Variants in ZNF536 observed in about 807,000 individuals in gnomAD.
ZNF536 encodes zinc finger protein 536.
A neutral mutation model predicts 84.5 loss-of-function variants in ZNF536; 13 were observed. That is an observed-to-expected ratio of 0.15 (90% CI 0.10 to 0.24). The LOEUF (loss-of-function observed/expected upper bound fraction) is 0.24, where lower values mean the gene tolerates loss of function less well. Ranked by LOEUF, ZNF536 falls within the 10% of genes least tolerant of loss-of-function variation. The probability of loss-of-function intolerance (pLI) is 1.00; values close to 1 mark genes in which losing one functional copy is unlikely to be tolerated. For missense variants in ZNF536, 1,536 were observed against 1,747.5 expected (o/e 0.88, Z 2.16); for synonymous variants, 811 against 742.5 (o/e 1.09, Z -1.50).
intron 1 of ZNF536, among the ~76,000 whole-genome samples, chr19:30,623,042 TTTTTTG>T: frequency 1.3e-5 from 2 of 148,368 alleles, no homozygotes; most frequent in Admixed American, 6.7e-5. Flanking sequence ...GTTTTTTTGT[TTTTTTG>T]TTTTTTTGAG....
chr19:30,662,012 C>A (rs2050139734), intron 1 of ZNF536, among the ~76,000 whole-genome samples: 1 of 152,166 alleles, frequency 6.6e-6, no homozygotes, highest in South Asian at 2.1e-4. Context: ...CCCCTGACGA[C>A]CTTGAAATTA....
At chr19:30,327,844 T>G (rs1360946899) in intron 2 of ZNF536, among the ~76,000 whole-genome samples, 2 of 152,210 alleles carry the variant, frequency 1.3e-5, no homozygotes, top group African/African-American at 4.8e-5. Flanking sequence ...GTCTTTGTCC[T>G]CTGATGAGTG....
chr19:30,398,727 C>A (rs1022160625), intron 1 of ZNF536, among the ~76,000 whole-genome samples: 6 of 152,044 alleles, frequency 3.9e-5, no homozygotes, highest in Non-Finnish European at 5.9e-5. Flanking sequence ...TCATCCATGT[C>A]CCTGCAAAGG....
intron 1 of ZNF536, among the ~76,000 whole-genome samples, chr19:30,565,971 A>G (rs1409603458): frequency 1.3e-5 from 2 of 152,232 alleles, no homozygotes; most frequent in Non-Finnish European, 2.9e-5. Flanking sequence ...CCTCCAAGAC[A>G]CAGCATTTAT....
intron 1 of ZNF536, among the ~76,000 whole-genome samples, chr19:30,387,748 G>A (rs892889796): frequency 3.3e-5 from 5 of 152,236 alleles, no homozygotes; most frequent in African/African-American, 9.6e-5. Context: ...TGGCTGGAAG[G>A]CAGGGCCCTC....
intron 2 of ZNF536, among the ~76,000 whole-genome samples, chr19:30,532,122 CTT>C (rs370513505): frequency 1.4e-5 from 2 of 147,896 alleles, no homozygotes; most frequent in Non-Finnish European, 3.0e-5. Flanking sequence ...AATTACCCTT[CTT>C]TTTTTTTTTA....
intron 2 of ZNF536, among the ~76,000 whole-genome samples, chr19:30,351,608 A>G (rs985748992): frequency 1.3e-5 from 2 of 152,238 alleles, no homozygotes; most frequent in Admixed American, 1.3e-4. Context: ...CAATATCTTG[A>G]GTGATGGCTG....
At chr19:30,440,353 C>A (rs983529457) in intron 1 of ZNF536, among the ~76,000 whole-genome samples, 1 of 152,102 alleles carries the variant, frequency 6.6e-6, no homozygotes, top group Non-Finnish European at 1.5e-5. Flanking sequence ...ATCGTAGGTG[C>A]TCATGGACTT....
At chr19:30,375,208 C>A (rs1471800471) in intron 1 of ZNF536, among the ~76,000 whole-genome samples, 2 of 149,126 alleles carry the variant, frequency 1.3e-5, no homozygotes, top group East Asian at 3.9e-4. Flanking sequence ...CGGCGCCCGG[C>A]GGTAGTGCCA....
At chr19:30,456,958 C>G (rs2052878274) in intron 2 of ZNF536, among the ~76,000 whole-genome samples, 1 of 149,486 alleles carries the variant, frequency 6.7e-6, no homozygotes, top group African/African-American at 2.5e-5. Flanking sequence ...AGGAGAATTG[C>G]TTGAATCCAG....
chr19:30,651,583 T>C (rs1195767634), intron 1 of ZNF536, among the ~76,000 whole-genome samples: 1 of 152,258 alleles, frequency 6.6e-6, no homozygotes, highest in East Asian at 1.9e-4. Context: ...ATTAAAATTC[T>C]GTCTGCAAAC....
intron 1 of ZNF536, among the ~76,000 whole-genome samples, chr19:30,399,074 G>A (rs912187364): frequency 1.1e-4 from 17 of 152,210 alleles, no homozygotes; most frequent in Non-Finnish European, 1.9e-4. Context: ...GCTCTCTAAC[G>A]TGTGTTGTTT....
At chr19:30,538,984 G>A (rs1726693654) in intron 3 of ZNF536, among the ~76,000 whole-genome samples, 1 of 151,952 alleles carries the variant, frequency 6.6e-6, no homozygotes, top group Admixed American at 6.6e-5. Flanking sequence ...GAGGCGGGAG[G>A]ATTGTTTGAG....
At chr19:30,267,354 A>G (rs1212819456) in intron 1 of ZNF536, among the ~76,000 whole-genome samples, 5 of 152,214 alleles carry the variant, frequency 3.3e-5, no homozygotes, top group Non-Finnish European at 7.3e-5. Context: ...CATAGACACT[A>G]GCCATAAAAG....
chr19:30,440,896 TAGATAGATAGA>T (rs1201948871), intron 1 of ZNF536, among the ~76,000 whole-genome samples: 2 of 146,826 alleles, frequency 1.4e-5, no homozygotes, highest in Non-Finnish European at 3.0e-5. Flanking sequence ...GATAGATAGA[TAGATAGATAGA>T]TAGATAGATA....
intron 2 of ZNF536, among the ~76,000 whole-genome samples, chr19:30,471,723 C>A (rs934278544): frequency 6.6e-6 from 1 of 152,194 alleles, no homozygotes; most frequent in Non-Finnish European, 1.5e-5. Flanking sequence ...TGCTGAGGCA[C>A]CTGCCTGGTA....
At chr19:30,454,542 AAT>A (rs1363707832) in intron 2 of ZNF536, among the ~76,000 whole-genome samples, 1 of 152,232 alleles carries the variant, frequency 6.6e-6, no homozygotes, top group African/African-American at 2.4e-5. Context: ...TTGTTGCTAA[AAT>A]ATGTGTTTTT....
At chr19:30,638,716 C>T (rs1363431241) in intron 1 of ZNF536, among the ~76,000 whole-genome samples, 3 of 152,162 alleles carry the variant, frequency 2.0e-5, no homozygotes, top group African/African-American at 7.2e-5. Flanking sequence ...TCTTCTGACT[C>T]ACTGGGGAGA....
chr19:30,288,745 T>A (rs2045733637), intron 2 of ZNF536, among the ~76,000 whole-genome samples: 1 of 152,176 alleles, frequency 6.6e-6, no homozygotes, highest in Admixed American at 6.5e-5. Flanking sequence ...TCTGGTAGAT[T>A]ACACTGTGTG....
Sources: allele counts gnomAD v4.1 joint callset (sites outside exome capture counted in the v4.1 genomes callset), GRCh38; gene constraint gnomAD v4.1.1; transcripts MANE v1.5; gene names NCBI Gene and HGNC (gene_info 2026-07-23, HGNC 2026-07-21).